The following CSNK1G2 variants were observed in gnomAD, a reference collection of about 807,000 sequenced individuals.
The protein encoded by CSNK1G2 is casein kinase 1 gamma 2, also known as casein kinase I isoform gamma-2.
A neutral mutation model predicts 48.0 loss-of-function variants in CSNK1G2; 11 were observed. That is an observed-to-expected ratio of 0.23 (90% confidence interval 0.14 to 0.38). The LOEUF is 0.38. Ranked by LOEUF, CSNK1G2 falls within the 10% of genes least tolerant of loss-of-function variation. The probability of loss-of-function intolerance (pLI) is 1.00; values close to 1 mark genes in which losing one functional copy is unlikely to be tolerated. For synonymous variants in CSNK1G2, 337 were observed against 254.1 expected (o/e 1.33, Z -3.10); for missense variants, 446 against 595.5 (o/e 0.75, Z 2.61).
intron 1 of CSNK1G2, among the ~76,000 whole-genome samples, chr19:1,952,088 G>A (rs1464216306): frequency 6.6e-6 from 1 of 152,198 alleles, no homozygotes; most frequent in Non-Finnish European, 1.5e-5. Flanking sequence ...CTGTTTACTG[G>A]GGGCTAGGAC....
rs2015038441 is a variant in CSNK1G2 at position 1,957,479 on chromosome 19, G to T, written c.-265-12029G>T. On this transcript the variant is annotated intron_variant, in intron 1 of 11. Coordinates refer to ENST00000255641, the MANE Select transcript of CSNK1G2 (RefSeq NM_001319.7). The surrounding 1 kb of genome is among the most constrained non-coding windows in gnomAD (Gnocchi z 5.4). ...GGCTTGGGTGGCCGGGCCTGTGGGA[G>T]ACCTTGGGTTTGCTGTTAGGAGGGA... 6.6e-6 allele frequency among the ~76,000 whole-genome samples: 1 copy of T among 152,244 alleles called. No individual in the cohort carries two copies. Among genetic ancestry groups the T allele is most frequent in the African/African-American group, 2.4e-5 (1 of 41,460 alleles).
At chr19:1,955,368 G>T (rs2014948268) in intron 1 of CSNK1G2, among the ~76,000 whole-genome samples, 2 of 152,168 alleles carry the variant, frequency 1.3e-5, no homozygotes, top group Non-Finnish European at 2.9e-5. Context: ...TCCTGAGGTG[G>T]GGGATGTGGG....
At position 1,980,014 on chromosome 19, in the gene CSNK1G2, C is replaced by G. The variant is rs746592259; in HGVS notation, c.1190C>G (p.Thr397Ser). 36 of 1,576,484 alleles carry G rather than the reference C, an allele frequency of 2.3e-5. No homozygotes were observed. The highest frequency in any genetic ancestry group is 3.0e-5 in the Non-Finnish European group (35 of 1,161,018). ...GCAGAGGTGGAGGTGGCCGATGAAA[C>G]CAAGTAAGGCTCTGGGGCGGTGCCT... is the stretch of plus-strand genomic sequence containing the variant. ...APAEVEVADE[T>S]KCCCFFKRRK... The change falls in exon 11 of 12, where the codon ACC (threonine) becomes AGC (serine). Residue 397 changes from threonine (T) to serine (S), a missense_variant. Coordinates refer to ENST00000255641, the MANE Select transcript of CSNK1G2 (RefSeq NM_001319.7).
At chr19:1,955,009 C>T (rs1412415729) in intron 1 of CSNK1G2, among the ~76,000 whole-genome samples, 1 of 152,146 alleles carries the variant, frequency 6.6e-6, no homozygotes, top group Non-Finnish European at 1.5e-5. Context: ...GGGTGCCCAG[C>T]CTTTACGTCC....
At chr19:1,967,023 C>T (rs774290785) in intron 1 of CSNK1G2, among the ~76,000 whole-genome samples, 3 of 142,128 alleles carry the variant, frequency 2.1e-5, no homozygotes, top group Admixed American at 7.0e-5. Context: ...GGCTTGCACA[C>T]CACGCCCCGC....
chr19:1,953,561 C>T (rs999581590), intron 1 of CSNK1G2: 8 of 502,876 alleles, frequency 1.6e-5, no homozygotes, highest in African/African-American at 7.8e-5. Flanking sequence ...CAGTGCCCTC[C>T]GCCAAGGCTG....
chr19:1,956,964 A>T (rs1008708016), intron 1 of CSNK1G2, among the ~76,000 whole-genome samples: 1 of 152,204 alleles, frequency 6.6e-6, no homozygotes, highest in African/African-American at 2.4e-5. Context: ...TGACCAAGCC[A>T]ATGGCTCACC....
chr19:1,957,974 G>A lies in CSNK1G2; in HGVS notation c.-265-11534G>A, dbSNP rs1166681380. Among the ~76,000 whole-genome samples, 6 of 152,304 alleles carry A rather than the reference G, an allele frequency of 3.9e-5. No homozygotes were observed. The highest frequency in any genetic ancestry group is 1.4e-4 in the African/African-American group (6 of 41,558). On this transcript the variant is annotated intron_variant, in intron 1 of 11. Coordinates refer to ENST00000255641, the MANE Select transcript of CSNK1G2 (RefSeq NM_001319.7). The surrounding 1 kb of genome is among the most constrained non-coding windows in gnomAD (Gnocchi z 5.4). ...TCACCACGTGCTTCCCCCGTGTGCA[G>A]GGAGGGGTTGGAGGTGTGCGCTTGT...
intron 1 of CSNK1G2, among the ~76,000 whole-genome samples, chr19:1,962,977 C>T (rs986595062): frequency 3.3e-5 from 5 of 151,978 alleles, no homozygotes; most frequent in Non-Finnish European, 4.4e-5. Context: ...TGCACTGGAA[C>T]ACAACCCAGC....
rs144745649 is a variant in CSNK1G2 at position 1,951,064 on chromosome 19, G to A, written c.-266+9646G>A. Reference sequence around the variant, plus strand: ...ATGAGGGGAGGTGAGAGGAGACGCCGTGTGCCTGGGGAGGCAACACTTTCT... The same window carrying A: ...ATGAGGGGAGGTGAGAGGAGACGCCATGTGCCTGGGGAGGCAACACTTTCT... On this transcript the variant is annotated intron_variant, in intron 1 of 11. Transcript: ENST00000255641. Among the ~76,000 whole-genome samples, 589 of 145,512 alleles carry A rather than the reference G, an allele frequency of 4.0e-3. 88 individuals carry two copies. Among genetic ancestry groups the A allele is most frequent in the African/African-American group, 0.014 (521 of 37,876 alleles).
chr19:1,954,200 A>G (rs1599292804), intron 1 of CSNK1G2: 6 of 368,954 alleles, frequency 1.6e-5, no homozygotes, highest in South Asian at 1.2e-4. Flanking sequence ...GCGCCCCTCC[A>G]TTGTGGAGGG....
At chr19:1,970,059 C>A in intron 2 of CSNK1G2, 100 bp downstream of exon 2, 1 of 1,026,368 alleles carries the variant, frequency 9.7e-7, no homozygotes, top group Non-Finnish European at 1.3e-6. Context: ...TCACTGGAGC[C>A]TCTGGCGGGG....
At chr19:1,942,678 G>A (rs943544894) in intron 1 of CSNK1G2, 1 of 152,422 alleles carries the variant, frequency 6.6e-6, no homozygotes, top group Non-Finnish European at 1.5e-5. Context: ...CTCGGATTAG[G>A]GAGGGGGCTG....
chr19:1,959,850 T>C lies in CSNK1G2; in HGVS notation c.-265-9658T>C, dbSNP rs551366695. ...ACCACCCTGAGTCCCCCAGCACCTG[T>C]GCCACCTTTAGTGCCACCGTGGGTC... On this transcript the variant is annotated intron_variant, in intron 1 of 11. Coordinates refer to ENST00000255641, the MANE Select transcript of CSNK1G2 (RefSeq NM_001319.7). Among the ~76,000 whole-genome samples the C allele has an allele frequency of 6.7e-4, 73 of 109,488 alleles. 6 individuals are homozygous for C. Among genetic ancestry groups the C allele is most frequent in the African/African-American group, 2.8e-3 (58 of 20,700 alleles). The allele number at this position is 109,488 out of a possible 152,430, so 71.8% of individuals were successfully genotyped here.
At chr19:1,953,431 G>A (rs1396026408) in intron 1 of CSNK1G2, 1 of 534,602 alleles carries the variant, frequency 1.9e-6, no homozygotes, top group East Asian at 5.4e-5. Flanking sequence ...ATTTGATGCA[G>A]ATGTGTCCAC....
chr19:1,977,750 C>CAAAAA (rs758107982), intron 2 of CSNK1G2, among the ~76,000 whole-genome samples: 6 of 83,038 alleles, frequency 7.2e-5, no homozygotes, highest in African/African-American at 2.6e-4. Flanking sequence ...GACACCGTCT[C>CAAAAA]AAAAAAAAAA....
rs77422633 is a variant in CSNK1G2 at position 1,943,453 on chromosome 19, C to T, written c.-266+2035C>T. ...CGATTTGGGTTTCTTCTTTTCTTCT[C>T]CTCCTTTTTAATAATACAGTAATTA... On this transcript the variant is annotated intron_variant, in intron 1 of 11. Transcript: ENST00000255641. Among the ~76,000 whole-genome samples the T allele has an allele frequency of 2.9e-3, 449 of 152,242 alleles. 2 individuals carry two copies. The highest frequency in any genetic ancestry group is 0.015 in the East Asian group (79 of 5,174).
chr19:1,958,558 C>T (rs1347840132), intron 1 of CSNK1G2, among the ~76,000 whole-genome samples: 7 of 132,700 alleles, frequency 5.3e-5, no homozygotes, highest in Admixed American at 4.5e-4. Context: ...TCCAGGGCTG[C>T]AGCAGCTCAG....
chr19:1,953,370 G>GT, intron 1 of CSNK1G2: 5 of 533,646 alleles, frequency 9.4e-6, no homozygotes, highest in South Asian at 5.6e-5. Flanking sequence ...GGGGGCCTGG[G>GT]TGGGGGTGTT....
Sources: gnomAD v4.1 joint callset for allele counts (sites outside exome capture counted in the v4.1 genomes callset) on GRCh38, gnomAD v4.1.1 for gene constraint, Gnocchi (gnomAD v3.1) non-coding constraint, MANE v1.5 for transcripts, NCBI Gene and HGNC (gene_info 2026-07-23, HGNC 2026-07-21) for gene names.